The following EYS variants were observed in gnomAD, a reference collection of about 807,000 sequenced individuals.
EYS encodes the protein EGF-like photoreceptor maintenance factor, also known as protein eyes shut homolog.
In EYS, 250 loss-of-function variants were observed where a neutral mutation model predicts 282.1. That is an observed-to-expected ratio of 0.89 (90% confidence interval 0.80 to 0.98). The LOEUF is 0.98. EYS is among the 50% of genes least tolerant of loss of function. The pLI is 0.00. For missense variants in EYS, 4,016 were observed against 3,709.0 expected, an observed-to-expected ratio of 1.08 and a Z score of -2.15; for synonymous variants, 1,355 against 1,282.9, an observed-to-expected ratio of 1.06 and a Z score of -1.20.
intron 11 of EYS, among the ~76,000 whole-genome samples, chr6:65,319,723 C>T (rs138145133): frequency 8.5e-5 from 13 of 152,252 alleles, no homozygotes; most frequent in East Asian, 1.9e-4. Context: ...AGAGGAATGA[C>T]GCCGCTTTGC....
chr6:64,946,904 G>C (rs921582893), intron 14 of EYS, among the ~76,000 whole-genome samples: 3 of 151,836 alleles, frequency 2.0e-5, no homozygotes, highest in African/African-American at 7.2e-5. Context: ...TATTTCCATA[G>C]CTTTTTGTAG....
At chr6:65,498,649 T>C (rs1039790096) in intron 2 of EYS, among the ~76,000 whole-genome samples, 1 of 151,674 alleles carries the variant, frequency 6.6e-6, no homozygotes, top group African/African-American at 2.4e-5. Flanking sequence ...TAAATGAAAA[T>C]AGCAGCAAAG....
chr6:65,662,228 A>C (rs1470465670), intron 1 of EYS, among the ~76,000 whole-genome samples: 4 of 152,264 alleles, frequency 2.6e-5, no homozygotes, highest in East Asian at 1.9e-4. Context: ...ACATTCCCAA[A>C]ATTTACCACT....
chr6:64,786,132 T>C (rs1424451067), intron 22 of EYS, among the ~76,000 whole-genome samples: 1 of 152,148 alleles, frequency 6.6e-6, no homozygotes, highest in East Asian at 1.9e-4. Context: ...TGAGCCCATC[T>C]AGCTTAGCTA....
intron 22 of EYS, among the ~76,000 whole-genome samples, chr6:64,800,365 G>T (rs1187704061): frequency 6.6e-6 from 1 of 151,974 alleles, no homozygotes; most frequent in Non-Finnish European, 1.5e-5. Flanking sequence ...GGTAGGCAGA[G>T]ATCAAATTCT....
At chr6:65,163,207 T>C (rs1561998389) in intron 12 of EYS, among the ~76,000 whole-genome samples, 1 of 151,308 alleles carries the variant, frequency 6.6e-6, no homozygotes, top group Non-Finnish European at 1.5e-5. Flanking sequence ...CTTTAACTAC[T>C]TTTATTCTCT....
At chr6:65,183,177 G>A (rs567270674) in intron 12 of EYS, among the ~76,000 whole-genome samples, 1 of 151,958 alleles carries the variant, frequency 6.6e-6, no homozygotes, top group Non-Finnish European at 1.5e-5. Flanking sequence ...ATAAAGGACA[G>A]TATTTTTTCG....
intron 35 of EYS, among the ~76,000 whole-genome samples, chr6:63,905,726 A>T (rs1179666504): frequency 6.6e-6 from 1 of 152,218 alleles, no homozygotes; most frequent in African/African-American, 2.4e-5. Flanking sequence ...TCTCTAACCC[A>T]GTGGACTAGA....
At chr6:65,519,701 TATA>T (rs1767279305) in intron 2 of EYS, among the ~76,000 whole-genome samples, 1 of 47,640 alleles carries the variant, frequency 2.1e-5, no homozygotes, top group African/African-American at 1.2e-4. Context: ...TATATATATA[TATA>T]TATATTTTTT....
Position 64,011,620 on chromosome 6 carries a change from G to A in EYS, c.6726-12437C>T, listed in dbSNP as rs760871165. On this transcript the variant is annotated intron_variant, in intron 33 of 42. Transcript: ENST00000503581. ...TTTTTTTTCCAGAGAGAAATAGAAC[G>A]TATGGATTTTTTTTTCTTTTTAAGG... 2.3e-4 allele frequency among the ~76,000 whole-genome samples: 35 copies of A among 151,200 alleles called. 1 individual carries two copies. Among genetic ancestry groups the A allele is most frequent in the African/African-American group, 1.5e-4 (6 of 41,114 alleles).
At chr6:65,144,096 C>T (rs934589775) in intron 12 of EYS, among the ~76,000 whole-genome samples, 1 of 152,074 alleles carries the variant, frequency 6.6e-6, no homozygotes, top group Non-Finnish European at 1.5e-5. Flanking sequence ...AATCACACTC[C>T]TCTCAATGCC....
At chr6:65,104,051 T>C (rs755579622) in intron 12 of EYS, among the ~76,000 whole-genome samples, 1 of 151,456 alleles carries the variant, frequency 6.6e-6, no homozygotes, top group Non-Finnish European at 1.5e-5. Context: ...TTGTGATACC[T>C]AAGAATTAAC....
In EYS at chr6:64,591,621, T is replaced by C; in HGVS notation, c.4246A>G (p.Thr1416Ala). The change falls in exon 26 of 43, where the codon ACT (threonine) becomes GCT (alanine). Residue 1416 changes from threonine to alanine, a missense_variant. Transcript: ENST00000503581. The part of the protein sequence containing the change: ...TQSLLFENCQ[T>A]VALSATPTTS... ...GTTGGGGTAGCAGATAAAGCAACAG[T>C]CTGACAGTTCTCAAATAATAAAGAT... 1.3e-6 allele frequency: 2 copies of C among 1,551,202 alleles called. No individual in the cohort carries two copies. Among genetic ancestry groups the C allele is most frequent in the South Asian group, 1.2e-5 (1 of 84,054 alleles).
chr6:65,261,610 A>G (rs1340396384), intron 12 of EYS, among the ~76,000 whole-genome samples: 1 of 152,082 alleles, frequency 6.6e-6, no homozygotes, highest in Non-Finnish European at 1.5e-5. Flanking sequence ...ATGTATAGAT[A>G]AAAAATAAGA....
chr6:64,053,257 AT>A (rs1276283063), intron 33 of EYS, among the ~76,000 whole-genome samples: 1 of 152,140 alleles, frequency 6.6e-6, no homozygotes, highest in African/African-American at 2.4e-5. Context: ...AATGGCAGTC[AT>A]ATAAGTGAAA....
intron 5 of EYS, among the ~76,000 whole-genome samples, chr6:65,483,976 C>T (rs1322742988): frequency 6.6e-6 from 1 of 152,006 alleles, no homozygotes; most frequent in Non-Finnish European, 1.5e-5. Flanking sequence ...CAATTACTTC[C>T]TACCGGCTCC....
chr6:64,030,566 C>G (rs116576848), intron 33 of EYS, among the ~76,000 whole-genome samples: 4 of 151,636 alleles, frequency 2.6e-5, no homozygotes, highest in African/African-American at 9.7e-5. Context: ...GGGGATAGTA[C>G]GAGATGCCGC....
chr6:63,833,105 A>G (rs1298888834), intron 36 of EYS, among the ~76,000 whole-genome samples: 2 of 152,200 alleles, frequency 1.3e-5, no homozygotes, highest in African/African-American at 2.4e-5. Context: ...CCCACAGCCA[A>G]TATCATACTG....
At chr6:64,434,496 C>T (rs1049982502) in intron 28 of EYS, among the ~76,000 whole-genome samples, 4 of 152,026 alleles carry the variant, frequency 2.6e-5, no homozygotes, top group Non-Finnish European at 1.5e-5. Context: ...TTACTGGACA[C>T]ATCATTTATA....
Sources: gnomAD v4.1 joint callset for allele counts (sites outside exome capture counted in the v4.1 genomes callset) on GRCh38, gnomAD v4.1.1 for gene constraint, MANE v1.5 for transcripts, NCBI Gene and HGNC (gene_info 2026-07-23, HGNC 2026-07-21) for gene names.